Variants in NDUFS4 observed in about 807,000 individuals in gnomAD.
The protein encoded by NDUFS4 is NADH:ubiquinone oxidoreductase subunit S4.
NDUFS4 carries 28 observed loss-of-function variants against 24.3 expected under a neutral mutation model. The observed-to-expected ratio is 1.15, with a 90% CI of 0.85 to 1.58. The LOEUF is 1.58. NDUFS4 is among the 40% of genes most tolerant of loss of function. The pLI is 0.00. For missense variants in NDUFS4, 223 were observed against 207.9 expected (o/e 1.07, Z -0.45); for synonymous variants, 93 against 69.7 (o/e 1.34, Z -1.67).
intron 2 of NDUFS4, among the ~76,000 whole-genome samples, chr5:53,605,060 A>G (rs1001845470): frequency 1.3e-5 from 2 of 152,170 alleles, no homozygotes; most frequent in African/African-American, 4.8e-5. Context: ...TCTCTACTAA[A>G]AATACAAAAA....
Position 53,609,722 on chromosome 5 carries a change from A to G in NDUFS4, c.177+6192A>G, listed in dbSNP as rs1044674387. On this transcript the variant is annotated intron_variant, in intron 2 of 4. Transcript: ENST00000296684. ...TTTAGTATAGCCACCTTTATCAGTT[A>G]TCTTATCTAGATCTTCTGGATCACT... Among the ~76,000 whole-genome samples, 3 of 152,126 alleles carry G rather than the reference A, an allele frequency of 2.0e-5. No individual in the cohort carries two copies. The East Asian group carries it at 5.8e-4, about 29-fold the overall frequency.
chr5:53,563,187 C>T (rs1748908951), intron 1 of NDUFS4, among the ~76,000 whole-genome samples: 1 of 149,762 alleles, frequency 6.7e-6, no homozygotes. Context: ...CAAGATCGCG[C>T]CACTGCACTC....
intron 2 of NDUFS4, among the ~76,000 whole-genome samples, chr5:53,630,963 TC>T (rs1751393531): frequency 6.6e-6 from 1 of 152,184 alleles, no homozygotes; most frequent in Non-Finnish European, 1.5e-5. Context: ...GAAGAGGCAT[TC>T]TGGTTTTTGA....
intron 4 of NDUFS4, among the ~76,000 whole-genome samples, chr5:53,661,440 C>T (rs2112525851): frequency 6.6e-6 from 1 of 152,236 alleles, no homozygotes; most frequent in East Asian, 1.9e-4. Flanking sequence ...AGCTTGATGC[C>T]TCCAGCTTTG....
chr5:53,656,644 G>T (rs1445279135), intron 3 of NDUFS4, among the ~76,000 whole-genome samples: 1 of 152,198 alleles, frequency 6.6e-6, no homozygotes, highest in Admixed American at 6.5e-5. Flanking sequence ...TTAAAAAGAA[G>T]GCTAGAAAGT....
intron 2 of NDUFS4, among the ~76,000 whole-genome samples, chr5:53,640,307 A>T (rs1276971704): frequency 1.3e-5 from 2 of 152,130 alleles, no homozygotes; most frequent in African/African-American, 4.8e-5. Flanking sequence ...GAGCAGAAGA[A>T]AATGGAAGAA....
chr5:53,668,836 A>C (rs1464774424), intron 4 of NDUFS4, among the ~76,000 whole-genome samples: 1 of 152,054 alleles, frequency 6.6e-6, no homozygotes. Context: ...AGAAAGTAAC[A>C]AACACTAAAT....
intron 1 of NDUFS4, among the ~76,000 whole-genome samples, chr5:53,591,461 T>TGG (rs374748766): frequency 0.015 from 1,238 of 80,868 alleles, 16 homozygotes; most frequent in African/African-American, 0.035. Flanking sequence ...TTGTTTTTTT[T>TGG]GGGGGGGGGG....
chr5:53,601,028 G>T, intron 1 of NDUFS4, among the ~76,000 whole-genome samples: 1 of 140,932 alleles, frequency 7.1e-6, no homozygotes, highest in Admixed American at 7.1e-5. Flanking sequence ...TTTTTGAGAC[G>T]GAGTCTTGCT....
chr5:53,597,555 A>G (rs1016299166), intron 1 of NDUFS4, among the ~76,000 whole-genome samples: 8 of 152,290 alleles, frequency 5.3e-5, no homozygotes, highest in South Asian at 2.1e-4. Flanking sequence ...TTTAGATACT[A>G]TTTTTCAGTG....
chr5:53,582,502 G>A (rs1270536447), intron 1 of NDUFS4, among the ~76,000 whole-genome samples: 1 of 152,146 alleles, frequency 6.6e-6, no homozygotes, highest in African/African-American at 2.4e-5. Flanking sequence ...CTTCGGATGT[G>A]GGAGGAAACT....
At chr5:53,639,322 A>G (rs1751642493) in intron 2 of NDUFS4, among the ~76,000 whole-genome samples, 1 of 151,918 alleles carries the variant, frequency 6.6e-6, no homozygotes, top group South Asian at 2.1e-4. Flanking sequence ...GCTTCCTTAT[A>G]GTACAATTTC....
intron 4 of NDUFS4, among the ~76,000 whole-genome samples, chr5:53,682,394 A>T (rs559596024): frequency 1.3e-5 from 2 of 151,886 alleles, no homozygotes; most frequent in Non-Finnish European, 2.9e-5. Context: ...ATGCATAAAA[A>T]TCTCCTGGAA....
At chr5:53,654,665 TAAAC>T (rs958762072) in intron 3 of NDUFS4, among the ~76,000 whole-genome samples, 7 of 152,076 alleles carry the variant, frequency 4.6e-5, no homozygotes, top group African/African-American at 9.7e-5. Flanking sequence ...AACTAAAAAA[TAAAC>T]AAATAAGCTA....
intron 1 of NDUFS4, among the ~76,000 whole-genome samples, chr5:53,601,803 G>C (rs1023918997): frequency 2.0e-5 from 3 of 152,190 alleles, no homozygotes; most frequent in African/African-American, 7.2e-5. Flanking sequence ...TAGGATACCT[G>C]CGTTAGTCAG....
intron 1 of NDUFS4, among the ~76,000 whole-genome samples, chr5:53,566,455 CT>C (rs1430390690): frequency 1.3e-5 from 2 of 152,160 alleles, no homozygotes; most frequent in African/African-American, 4.8e-5. Flanking sequence ...CCTGTATTAT[CT>C]CATGTGTTTC....
At chr5:53,615,278 G>A (rs1750808033) in intron 2 of NDUFS4, among the ~76,000 whole-genome samples, 1 of 151,932 alleles carries the variant, frequency 6.6e-6, no homozygotes, top group African/African-American at 2.4e-5. Flanking sequence ...CTGCCATTTT[G>A]TAGTAAGTTC....
intron 4 of NDUFS4, among the ~76,000 whole-genome samples, chr5:53,680,050 TA>T (rs751127182): frequency 4.6e-5 from 7 of 152,210 alleles, no homozygotes; most frequent in Non-Finnish European, 1.0e-4. Flanking sequence ...AATTGCGGGA[TA>T]TTTTTAAAGA....
At chr5:53,630,924 C>G (rs1201988020) in intron 2 of NDUFS4, among the ~76,000 whole-genome samples, 1 of 152,148 alleles carries the variant, frequency 6.6e-6, no homozygotes, top group Non-Finnish European at 1.5e-5. Context: ...CCTTTTCTTG[C>G]TGGTGAGGAG....
Sources: allele counts gnomAD v4.1 joint callset (sites outside exome capture counted in the v4.1 genomes callset), GRCh38; gene constraint gnomAD v4.1.1; transcripts MANE v1.5; gene names NCBI Gene and HGNC (gene_info 2026-07-23, HGNC 2026-07-21).